USP40: variants seen among roughly 807,000 people sequenced by gnomAD.
USP40 encodes ubiquitin carboxyl-terminal hydrolase 40.
Under a neutral mutation model 166.2 loss-of-function variants are expected in USP40, and 143 were observed. That is an observed-to-expected ratio of 0.86 (90% CI 0.75 to 0.99). USP40 has a LOEUF of 0.99. Ranked by LOEUF, USP40 falls within the 50% of genes least tolerant of loss-of-function variation. USP40 has a pLI of 0.00. For missense variants in USP40, 1,444 were observed against 1,479.7 expected, an observed-to-expected ratio of 0.98 and a Z score of 0.40; for synonymous variants, 498 against 524.0, an observed-to-expected ratio of 0.95 and a Z score of 0.68.
chr2:233,532,535 CT>C (rs887193496), intron 11 of USP40, among the ~76,000 whole-genome samples: 3 of 152,214 alleles, frequency 2.0e-5, no homozygotes, highest in African/African-American at 2.4e-5. Context: ...GCTCAGGCTG[CT>C]TCCACACTGT....
chr2:233,487,982 G>C (rs1266138765), intron 28 of USP40: 3 of 650,816 alleles, frequency 4.6e-6, no homozygotes, highest in Non-Finnish European at 8.7e-6. Context: ...TGACACTTCA[G>C]GGCCATCATG....
Position 233,491,164 on chromosome 2 carries a change from G to T in USP40, c.3012+3C>A. On this transcript the variant is annotated splice_donor_region_variant and intron_variant, in intron 26 of 31. Transcript: ENST00000678225. ...TAAGTTATGGTGCAGGAAGAAGTCT[G>T]ACCTGAGACTTCAGCTCCGCCAGCG... 6.3e-7 allele frequency: 1 copy of T among 1,597,308 alleles called. No individual in the cohort carries two copies. The highest frequency in any genetic ancestry group is 1.1e-5 in the South Asian group (1 of 88,504).
At position 233,566,424 on chromosome 2, in the gene USP40, T is replaced by G. The variant is rs111249647; in HGVS notation, c.-20+260A>C. Among the ~76,000 whole-genome samples, 1,310 of 152,326 alleles carry G rather than the reference T, an allele frequency of 8.6e-3. 22 individuals are homozygous for G. Among genetic ancestry groups the G allele is most frequent in the African/African-American group, 0.029 (1,224 of 41,584 alleles). ...ACTAAAAAAACACAACTCGAGAGTCTAGCCTCGAGCTCGTTGTCTGCATTC... is the reference window on the plus strand; with the variant it reads ...ACTAAAAAAACACAACTCGAGAGTCGAGCCTCGAGCTCGTTGTCTGCATTC... On this transcript the variant is annotated intron_variant, in intron 1 of 31. Coordinates refer to ENST00000678225, the MANE Select transcript of USP40 (RefSeq NM_001365479.2).
In USP40 at chr2:233,493,475, G is replaced by A. The variant is rs374005547; in HGVS notation, c.2867C>T (p.Thr956Ile). ...SGHWESHQDQ[T>I]NCTSSWGRVW... ...TCTGCCCCAAGACGAAGTACAGTTG[G>A]TCTGGTCCTGATGACTCTCCCAGTG... Residue 956 changes from threonine to isoleucine, a missense_variant, in exon 25 of 32, where the codon ACC (threonine) becomes ATC (isoleucine). Transcript: ENST00000678225. This position sits in a 1 kb window ranked among gnomAD's most constrained non-coding sequence, Gnocchi z 4.7. 1.9e-6 allele frequency: 3 copies of A among 1,613,972 alleles called. No individual in the cohort carries two copies. The highest frequency in any genetic ancestry group is 1.3e-5 in the African/African-American group (1 of 75,062).
chr2:233,490,288 G>A (rs557946366), intron 26 of USP40, among the ~76,000 whole-genome samples: 11 of 148,752 alleles, frequency 7.4e-5, no homozygotes, highest in Admixed American at 2.0e-4. Flanking sequence ...CTCAGCCTCC[G>A]AGTAGCTGGG....
chr2:233,539,940 C>A (rs932106080), intron 10 of USP40, among the ~76,000 whole-genome samples: 1 of 151,886 alleles, frequency 6.6e-6, no homozygotes, highest in Non-Finnish European at 1.5e-5. Flanking sequence ...TTGAGACCAG[C>A]CTGGGTGACA....
intron 18 of USP40, among the ~76,000 whole-genome samples, chr2:233,519,127 G>A (rs1344657819): frequency 2.0e-5 from 3 of 152,188 alleles, no homozygotes; most frequent in Non-Finnish European, 2.9e-5. Context: ...TGGGTACAGG[G>A]ATATTTTTGG....
chr2:233,500,608 C>CA (rs748106209), intron 21 of USP40, among the ~76,000 whole-genome samples: 77 of 150,598 alleles, frequency 5.1e-4, no homozygotes, highest in Middle Eastern at 3.4e-3. Flanking sequence ...AGAAAAATGG[C>CA]AAAAAAAACC....
intron 18 of USP40, among the ~76,000 whole-genome samples, chr2:233,515,465 T>C (rs2067124806): frequency 6.6e-6 from 1 of 152,218 alleles, no homozygotes; most frequent in Admixed American, 6.5e-5. Flanking sequence ...TTGCTAATGA[T>C]TCTGAGCATT....
chr2:233,549,190 A>C lies in USP40; in HGVS notation c.877T>G (p.Ser293Ala). The C allele has an allele frequency of 6.5e-7, 1 of 1,527,618 alleles. No homozygotes were observed. Among genetic ancestry groups the C allele is most frequent in the South Asian group, 1.2e-5 (1 of 85,868 alleles). 94.6% of individuals were successfully genotyped at this position (1,527,618 alleles called of 1,614,324 possible). Residue 293 changes from serine (S) to alanine (A), a missense_variant, in exon 8 of 32, where the codon TCA becomes GCA. By Grantham distance (99) the Ser-to-Ala change is moderately conservative. Coordinates refer to ENST00000678225, the MANE Select transcript of USP40 (RefSeq NM_001365479.2). ...DDLEYIYDLFSVIIHKGGCYG... is the reference protein window; with the variant it reads ...DDLEYIYDLFAVIIHKGGCYG... ...CAGCCACCTTTGTGTATAATAACTG[A>C]GAAGAGGTCATATATATATTCTAAG...
At chr2:233,514,621 G>A (rs764036137) in intron 18 of USP40, among the ~76,000 whole-genome samples, 1 of 152,172 alleles carries the variant, frequency 6.6e-6, no homozygotes, top group African/African-American at 2.4e-5. Context: ...GGCTTTGTGC[G>A]GAGGAGTGAC....
chr2:233,525,405 A>G, intron 14 of USP40, 73 bp downstream of exon 14: 1 of 1,085,006 alleles, frequency 9.2e-7, no homozygotes, highest in Non-Finnish European at 1.4e-6. Flanking sequence ...GACAAAGAGT[A>G]GAAAATCGCA....
chr2:233,549,354 A>G (rs2070320483), intron 7 of USP40, 125 bp from the exon 8 acceptor site: 1 of 673,484 alleles, frequency 1.5e-6, no homozygotes, highest in African/African-American at 1.8e-5. Context: ...TTAAGAGTAA[A>G]GATGAATTCA....
intron 12 of USP40, among the ~76,000 whole-genome samples, chr2:233,528,712 C>CT (rs910236975): frequency 3.9e-5 from 6 of 152,044 alleles, no homozygotes; most frequent in African/African-American, 1.4e-4. Context: ...ATTCACTGTA[C>CT]TTTTTTCCCC....
At position 233,559,803 on chromosome 2, in the gene USP40, C is replaced by T. The variant is rs780487315; in HGVS notation, c.381+8G>A. On this transcript the variant is annotated splice_region_variant and intron_variant, in intron 4 of 31. Coordinates refer to ENST00000678225, the MANE Select transcript of USP40 (RefSeq NM_001365479.2). ...GGTAACTCTTCCTTAAAGAGCTGAT[C>T]CTCGTACCTCATTACTGGTCCACCC... 6.3e-7 allele frequency: 1 copy of T among 1,590,130 alleles called. No homozygotes were observed.
chr2:233,496,909 G>A lies in USP40; in HGVS notation c.2716-77C>T, dbSNP rs1052480516. ...ATCATTGATCTTTTTAAAACCCCAT[G>A]CCTCTATTATCTTTTCAAAAATTAA... On this transcript the variant is annotated intron_variant, in intron 23 of 31. Transcript: ENST00000678225. 1.9e-5 allele frequency: 20 copies of A among 1,054,310 alleles called. No individual in the cohort carries two copies. The Admixed American group carries it at 2.9e-4, about 15-fold the overall frequency. 65.3% of individuals were successfully genotyped at this position (1,054,310 alleles called of 1,614,324 possible).
intron 21 of USP40, 63 bp from the exon 22 acceptor site, chr2:233,499,978 C>T (rs2065970528): frequency 1.3e-6 from 2 of 1,487,846 alleles, no homozygotes; most frequent in Non-Finnish European, 1.9e-6. Flanking sequence ...CTAGGACAAA[C>T]ACCCTTTTTG....
chr2:233,529,564 C>T, intron 11 of USP40, 52 bp from the exon 12 acceptor site: 3 of 1,427,492 alleles, frequency 2.1e-6, no homozygotes, highest in Middle Eastern at 3.5e-4. Flanking sequence ...AATCTGGTTG[C>T]TGGAAGAGGT....
chr2:233,546,179 T>C (rs952276712), intron 8 of USP40: 8 of 152,202 alleles, frequency 5.3e-5, no homozygotes, highest in African/African-American at 1.9e-4. Flanking sequence ...CTTTGAGTCA[T>C]GTCACAGAAC....
Sources: allele counts gnomAD v4.1 joint callset (sites outside exome capture counted in the v4.1 genomes callset), GRCh38; gene constraint gnomAD v4.1.1; non-coding constraint Gnocchi (gnomAD v3.1); transcripts MANE v1.5; gene names NCBI Gene and HGNC (gene_info 2026-07-23, HGNC 2026-07-21).